The following AGBL4 variants were observed in gnomAD, a reference collection of about 807,000 sequenced individuals.
The protein encoded by AGBL4 is cytosolic carboxypeptidase 6.
AGBL4 carries 58 observed loss-of-function variants against 66.4 expected under a neutral mutation model. The ratio of observed to expected loss-of-function variants is 0.87; its 90% CI spans 0.71 to 1.09. The LOEUF (loss-of-function observed/expected upper bound fraction) is 1.09. Ranked by LOEUF, AGBL4 falls within the 50% of genes least tolerant of loss-of-function variation. The probability of loss-of-function intolerance (pLI) is 0.00; values close to 1 mark genes in which losing one functional copy is unlikely to be tolerated. For synonymous variants in AGBL4, 234 were observed against 222.9 expected (o/e 1.05, Z -0.44); for missense variants, 579 against 631.0 (o/e 0.92, Z 0.88).
At chr1:49,383,650 A>G (rs1644670259) in intron 3 of AGBL4, among the ~76,000 whole-genome samples, 1 of 152,186 alleles carries the variant, frequency 6.6e-6, no homozygotes, top group South Asian at 2.1e-4. Context: ...TTAACTCAAA[A>G]TGAATTAAAG....
chr1:48,561,429 T>G (rs1468472907), intron 11 of AGBL4, among the ~76,000 whole-genome samples: 3 of 152,194 alleles, frequency 2.0e-5, no homozygotes, highest in Admixed American at 2.0e-4. Flanking sequence ...GTGATCACAC[T>G]GTCTGACCTG....
chr1:49,720,297 G>A (rs771074923), intron 2 of AGBL4, among the ~76,000 whole-genome samples: 8 of 151,916 alleles, frequency 5.3e-5, no homozygotes, highest in Non-Finnish European at 8.8e-5. Flanking sequence ...TCAGATTTGG[G>A]GTGCTCAACA....
intron 3 of AGBL4, among the ~76,000 whole-genome samples, chr1:49,359,050 T>A (rs1013615335): frequency 2.0e-5 from 3 of 152,234 alleles, no homozygotes; most frequent in Non-Finnish European, 4.4e-5. Context: ...GTGAGCACCA[T>A]GTGTGCGTAC....
chr1:49,957,531 A>G (rs1218587518), intron 1 of AGBL4, among the ~76,000 whole-genome samples: 1 of 151,738 alleles, frequency 6.6e-6, no homozygotes, highest in Non-Finnish European at 1.5e-5. Flanking sequence ...TGCTTTATGA[A>G]TCTGGGTGCT....
At chr1:49,676,150 G>C (rs772373544) in intron 3 of AGBL4, among the ~76,000 whole-genome samples, 4 of 151,956 alleles carry the variant, frequency 2.6e-5, no homozygotes, top group Non-Finnish European at 5.9e-5. Flanking sequence ...GGTCACATGA[G>C]CAATTTGGTA....
intron 1 of AGBL4, among the ~76,000 whole-genome samples, chr1:49,885,535 C>G (rs1169712060): frequency 6.6e-6 from 1 of 151,816 alleles, no homozygotes; most frequent in Non-Finnish European, 1.5e-5. Context: ...ATACACATAC[C>G]CTAATTCTCC....
intron 4 of AGBL4, among the ~76,000 whole-genome samples, chr1:49,133,273 C>A (rs1367749717): frequency 6.6e-6 from 1 of 151,926 alleles, no homozygotes; most frequent in Non-Finnish European, 1.5e-5. Context: ...AGCATTCGGA[C>A]AAATACCTAA....
At chr1:49,410,332 T>C (rs1645291518) in intron 3 of AGBL4, among the ~76,000 whole-genome samples, 1 of 152,172 alleles carries the variant, frequency 6.6e-6, no homozygotes, top group Non-Finnish European at 1.5e-5. Context: ...CTTCCCATGA[T>C]ATTTCCCTTC....
chr1:49,032,276 T>C (rs1201485966), intron 5 of AGBL4, among the ~76,000 whole-genome samples: 1 of 152,154 alleles, frequency 6.6e-6, no homozygotes, highest in East Asian at 1.9e-4. Context: ...CAATGGGTTA[T>C]TTTCATGGAT....
At chr1:48,634,303 G>C in intron 9 of AGBL4, 190 bp downstream of exon 9, 1 of 464,824 alleles carries the variant, frequency 2.2e-6, no homozygotes, top group Non-Finnish European at 3.9e-6. Context: ...ATTTGTGAGA[G>C]GTTGCAGGAA....
intron 3 of AGBL4, among the ~76,000 whole-genome samples, chr1:49,298,937 CCTT>C (rs1349373256): frequency 2.0e-5 from 3 of 152,238 alleles, no homozygotes; most frequent in African/African-American, 7.2e-5. Flanking sequence ...CTGAACTGAT[CCTT>C]CTTCTTTTGC....
intron 5 of AGBL4, among the ~76,000 whole-genome samples, chr1:48,955,037 T>C (rs1657318161): frequency 6.6e-6 from 1 of 152,192 alleles, no homozygotes; most frequent in Non-Finnish European, 1.5e-5. Flanking sequence ...TTAAGAGGGA[T>C]GAGAAGATTC....
intron 5 of AGBL4, among the ~76,000 whole-genome samples, chr1:49,042,598 T>C (rs1347863412): frequency 6.6e-6 from 1 of 152,080 alleles, no homozygotes; most frequent in Non-Finnish European, 1.5e-5. Flanking sequence ...ACAGATACGA[T>C]GGTAGAATTC....
At chr1:50,008,499 T>A (rs1299160610) in intron 1 of AGBL4, among the ~76,000 whole-genome samples, 1 of 151,920 alleles carries the variant, frequency 6.6e-6, no homozygotes, top group Non-Finnish European at 1.5e-5. Flanking sequence ...CCAAAACCTG[T>A]GGGATATGGC....
At chr1:49,266,939 A>T (rs1643934424) in intron 3 of AGBL4, among the ~76,000 whole-genome samples, 1 of 152,206 alleles carries the variant, frequency 6.6e-6, no homozygotes. Context: ...GGCTGCACTG[A>T]ATGACTGTTC....
At chr1:49,435,145 C>A (rs1007593903) in intron 3 of AGBL4, among the ~76,000 whole-genome samples, 1 of 152,140 alleles carries the variant, frequency 6.6e-6, no homozygotes, top group Non-Finnish European at 1.5e-5. Flanking sequence ...TTTGTTGTTA[C>A]ATATTTATTT....
chr1:49,011,594 C>T (rs1384257129), intron 5 of AGBL4, among the ~76,000 whole-genome samples: 9 of 151,914 alleles, frequency 5.9e-5, no homozygotes, highest in East Asian at 1.9e-4. Context: ...ATGTTTATTG[C>T]GGCACTATTC....
chr1:48,685,186 A>G (rs964384065), intron 6 of AGBL4, among the ~76,000 whole-genome samples: 1 of 152,206 alleles, frequency 6.6e-6, no homozygotes, highest in African/African-American at 2.4e-5. Context: ...TCAAATTTGA[A>G]TCAGTCAAAT....
At chr1:48,933,022 A>T (rs1014293540) in intron 5 of AGBL4, among the ~76,000 whole-genome samples, 14 of 152,016 alleles carry the variant, frequency 9.2e-5, no homozygotes, top group African/African-American at 1.7e-4. Context: ...CTCTTTGTTT[A>T]TGCAAAGATT....
Sources: allele counts gnomAD v4.1 joint callset (sites outside exome capture counted in the v4.1 genomes callset), GRCh38; gene constraint gnomAD v4.1.1; transcripts MANE v1.5; gene names NCBI Gene and HGNC (gene_info 2026-07-23, HGNC 2026-07-21).